Variants in ME1 observed in about 807,000 individuals in gnomAD.
ME1 encodes malic enzyme 1.
A neutral mutation model predicts 66.4 loss-of-function variants in ME1; 74 were observed. The observed-to-expected ratio is 1.11, with a 90% CI of 0.92 to 1.35. The LOEUF (loss-of-function observed/expected upper bound fraction) is 1.35, where lower values mean the gene tolerates loss of function less well. Ranked by LOEUF, ME1 falls within the 40% of genes most tolerant of loss-of-function variation. The pLI is 0.00. For missense variants in ME1, 750 were observed against 694.1 expected (o/e 1.08, Z -0.90); for synonymous variants, 251 against 235.6 (o/e 1.07, Z -0.60).
At chr6:83,319,211 A>C (rs1430417391) in intron 5 of ME1, among the ~76,000 whole-genome samples, 1 of 151,532 alleles carries the variant, frequency 6.6e-6, no homozygotes, top group Non-Finnish European at 1.5e-5. Flanking sequence ...CTAGATGACG[A>C]GTTAGTGGGT....
chr6:83,365,059 G>A (rs1036189774), intron 3 of ME1, among the ~76,000 whole-genome samples: 2 of 152,082 alleles, frequency 1.3e-5, no homozygotes, highest in African/African-American at 4.8e-5. Context: ...CACCTCACTT[G>A]TCCTCACACC....
chr6:83,297,131 A>G (rs1202708520), intron 6 of ME1, among the ~76,000 whole-genome samples: 2 of 152,138 alleles, frequency 1.3e-5, no homozygotes, highest in African/African-American at 2.4e-5. Context: ...CAAGGGATGT[A>G]AAAGTACCTG....
intron 5 of ME1, among the ~76,000 whole-genome samples, chr6:83,345,257 TG>T (rs762868586): frequency 3.0e-4 from 46 of 152,352 alleles, no homozygotes; most frequent in Non-Finnish European, 5.6e-4. Context: ...CCACTTCTAT[TG>T]GTATTAGAAA....
intron 6 of ME1, among the ~76,000 whole-genome samples, chr6:83,298,951 T>G (rs1348574485): frequency 7.5e-6 from 1 of 133,208 alleles, no homozygotes; most frequent in African/African-American, 2.8e-5. Flanking sequence ...TTTTTTTTTT[T>G]TTTTTTTTTT....
chr6:83,220,054 G>T (rs1368312877), intron 12 of ME1, among the ~76,000 whole-genome samples: 2 of 152,120 alleles, frequency 1.3e-5, no homozygotes, highest in African/African-American at 4.8e-5. Flanking sequence ...CTATTTATAT[G>T]ACATAATATG....
chr6:83,358,811 G>A (rs989068306), intron 3 of ME1, among the ~76,000 whole-genome samples: 2 of 151,448 alleles, frequency 1.3e-5, no homozygotes, highest in South Asian at 4.2e-4. Context: ...TAAACCCTGC[G>A]CTACCTGAGG....
rs1491450413 is a variant in ME1 at position 83,237,272 on chromosome 6, A to AAAGAAAGAAAGAAAGC, written c.1026+444_1026+445insGCTTTCTTTCTTTCTT. Among the ~76,000 whole-genome samples the AAAGAAAGAAAGAAAGC allele has an allele frequency of 1.2e-4, 11 of 90,238 alleles. No homozygotes were observed. In the South Asian group the frequency reaches 1.5e-3, roughly 12 times the overall value. 59.2% of individuals were successfully genotyped at this position (90,238 alleles called of 152,430 possible). On this transcript the variant is annotated intron_variant, in intron 9 of 13. Transcript: ENST00000369705. ...GAAAGAAAGAAAGAAAGAAAGAAAGAAAGAAAGGAAGGAAGGAAGGAAAGA... is the reference window on the plus strand; with the variant it reads ...GAAAGAAAGAAAGAAAGAAAGAAAGAAAGAAAGAAAGAAAGCAAGAAAGGAAGGAAGGAAGGAAAGA...
At chr6:83,350,144 G>A (rs1239276277) in intron 4 of ME1, among the ~76,000 whole-genome samples, 1 of 152,068 alleles carries the variant, frequency 6.6e-6, no homozygotes, top group African/African-American at 2.4e-5. Context: ...GACCATATAA[G>A]ATACACTTAC....
chr6:83,249,734 G>A (rs895533634), intron 7 of ME1, among the ~76,000 whole-genome samples: 1 of 151,806 alleles, frequency 6.6e-6, no homozygotes, highest in Non-Finnish European at 1.5e-5. Flanking sequence ...GCCATCACTC[G>A]GAACCAATCC....
intron 2 of ME1, among the ~76,000 whole-genome samples, chr6:83,399,024 C>T (rs904176866): frequency 1.3e-5 from 2 of 152,012 alleles, no homozygotes; most frequent in Non-Finnish European, 2.9e-5. Flanking sequence ...GACAGAGTCT[C>T]GCTCTGTCGC....
At chr6:83,288,625 A>G (rs1562470378) in intron 6 of ME1, among the ~76,000 whole-genome samples, 2 of 151,828 alleles carry the variant, frequency 1.3e-5, no homozygotes, top group African/African-American at 4.8e-5. Flanking sequence ...CCAGGACTGT[A>G]TTGGTTATGC....
chr6:83,418,837 A>G (rs1408542363), intron 1 of ME1, among the ~76,000 whole-genome samples: 2 of 152,236 alleles, frequency 1.3e-5, no homozygotes, highest in African/African-American at 4.8e-5. Flanking sequence ...GAAAAGGAAG[A>G]ACTTAATTTA....
chr6:83,353,803 A>G, intron 3 of ME1, among the ~76,000 whole-genome samples: 1 of 152,104 alleles, frequency 6.6e-6, no homozygotes, highest in African/African-American at 2.4e-5. Context: ...TATTTTGAAA[A>G]TGTTCTGCCC....
intron 5 of ME1, among the ~76,000 whole-genome samples, chr6:83,329,392 T>C (rs1257715678): frequency 6.6e-6 from 1 of 152,186 alleles, no homozygotes; most frequent in Non-Finnish European, 1.5e-5. Flanking sequence ...AGCTTTCGTG[T>C]CAATAGACAA....
At chr6:83,321,914 T>C (rs1158972669) in intron 5 of ME1, among the ~76,000 whole-genome samples, 1 of 152,150 alleles carries the variant, frequency 6.6e-6, no homozygotes, top group Non-Finnish European at 1.5e-5. Flanking sequence ...CCGGCTGGCA[T>C]CTGGCAGGTG....
intron 5 of ME1, among the ~76,000 whole-genome samples, chr6:83,326,515 T>G (rs914362248): frequency 1.5e-5 from 2 of 135,340 alleles, no homozygotes; most frequent in Admixed American, 8.1e-5. Context: ...ATATCCAGAA[T>G]CTACAAGGAA....
intron 6 of ME1, among the ~76,000 whole-genome samples, chr6:83,313,482 G>T (rs1767968089): frequency 6.6e-6 from 1 of 151,742 alleles, no homozygotes; most frequent in Admixed American, 6.6e-5. Flanking sequence ...ACTTTTCATT[G>T]ATTCCCAATA....
intron 5 of ME1, among the ~76,000 whole-genome samples, chr6:83,344,884 AAAAAT>A (rs938010389): frequency 2.0e-5 from 3 of 151,978 alleles, no homozygotes; most frequent in Admixed American, 6.6e-5. Flanking sequence ...CGTCTCAAAA[AAAAAT>A]AAAATAAAAT....
intron 3 of ME1, among the ~76,000 whole-genome samples, chr6:83,376,464 C>T (rs1365198957): frequency 1.4e-5 from 2 of 147,842 alleles, no homozygotes; most frequent in Non-Finnish European, 3.0e-5. Context: ...CATTGCACTC[C>T]AGCCTGGGCA....
Sources: gnomAD v4.1 joint callset for allele counts (sites outside exome capture counted in the v4.1 genomes callset) on GRCh38, gnomAD v4.1.1 for gene constraint, MANE v1.5 for transcripts, NCBI Gene and HGNC (gene_info 2026-07-23, HGNC 2026-07-21) for gene names.